The following ADAMTS16 variants were observed in gnomAD, a reference collection of about 807,000 sequenced individuals.
ADAMTS16 encodes A disintegrin and metalloproteinase with thrombospondin motifs 16.
In ADAMTS16, 94 loss-of-function variants were observed where a neutral mutation model predicts 145.8. The ratio of observed to expected loss-of-function variants is 0.64; its 90% CI spans 0.55 to 0.77. The LOEUF (loss-of-function observed/expected upper bound fraction) is 0.77. Ranked by LOEUF, ADAMTS16 falls within the 30% of genes least tolerant of loss-of-function variation. ADAMTS16 has a pLI of 0.00. For synonymous variants in ADAMTS16, 659 were observed against 604.3 expected (o/e 1.09, Z -1.33); for missense variants, 1,585 against 1,591.5 (o/e 1.00, Z 0.07).
intron 8 of ADAMTS16, among the ~76,000 whole-genome samples, chr5:5,192,259 C>A (rs544153628): frequency 6.6e-6 from 1 of 152,184 alleles, no homozygotes; most frequent in African/African-American, 2.4e-5. Context: ...TTCTCCAACA[C>A]TCCTGTACAC....
chr5:5,270,323 C>T (rs959693), intron 18 of ADAMTS16, among the ~76,000 whole-genome samples: 64,876 of 151,976 alleles, frequency 0.43, 14,303 homozygotes, highest in Non-Finnish European at 0.5. Context: ...GTCCATGGGC[C>T]AGAGTCAGAC....
At chr5:5,174,031 TTTC>T (rs1470779934) in intron 3 of ADAMTS16, among the ~76,000 whole-genome samples, 1 of 152,234 alleles carries the variant, frequency 6.6e-6, no homozygotes, top group Non-Finnish European at 1.5e-5. Context: ...GTATTTACTA[TTTC>T]TAGTGAGTTT....
At chr5:5,143,187 A>G (rs1424203003) in intron 2 of ADAMTS16, among the ~76,000 whole-genome samples, 1 of 152,256 alleles carries the variant, frequency 6.6e-6, no homozygotes, top group Admixed American at 6.5e-5. Flanking sequence ...CAGAGTGAAC[A>G]GGCAACCTAG....
intron 17 of ADAMTS16, among the ~76,000 whole-genome samples, chr5:5,243,276 A>T (rs1694954152): frequency 1.3e-5 from 2 of 152,228 alleles, no homozygotes; most frequent in South Asian, 4.1e-4. Flanking sequence ...GACTGAATGA[A>T]ATACTGTCTT....
At chr5:5,304,910 T>C (rs1034657956) in intron 20 of ADAMTS16, among the ~76,000 whole-genome samples, 5 of 151,864 alleles carry the variant, frequency 3.3e-5, no homozygotes, top group African/African-American at 9.7e-5. Context: ...ATGGGCTGTG[T>C]CCAGGTAGAA....
intron 8 of ADAMTS16, among the ~76,000 whole-genome samples, chr5:5,199,743 A>G (rs931272521): frequency 6.6e-6 from 1 of 152,198 alleles, no homozygotes; most frequent in Admixed American, 6.5e-5. Context: ...GAAGCCTGGC[A>G]TCTACATTTC....
intron 18 of ADAMTS16, among the ~76,000 whole-genome samples, chr5:5,293,629 T>C (rs1347917957): frequency 2.0e-5 from 3 of 152,186 alleles, no homozygotes; most frequent in African/African-American, 7.2e-5. Flanking sequence ...TTTCCGTCCT[T>C]GTCCATGCCT....
chr5:5,299,449 A>C (rs2126504351), intron 18 of ADAMTS16, among the ~76,000 whole-genome samples: 1 of 152,332 alleles, frequency 6.6e-6, no homozygotes, highest in South Asian at 2.1e-4. Context: ...GACTTTACTA[A>C]ACCCTTTTTG....
At chr5:5,168,625 T>A (rs1560931871) in intron 3 of ADAMTS16, among the ~76,000 whole-genome samples, 2 of 85,924 alleles carry the variant, frequency 2.3e-5, no homozygotes, top group African/African-American at 8.0e-5. Flanking sequence ...ATATATTATA[T>A]TATATATAAT....
At position 5,194,380 on chromosome 5, in the gene ADAMTS16, T is replaced by C. The variant is rs74655734; in HGVS notation, c.1313+2590T>C. 1.3e-3 allele frequency among the ~76,000 whole-genome samples: 197 copies of C among 152,322 alleles called. 4 individuals are homozygous for C. The East Asian group carries it at 0.024, about 19-fold the overall frequency. On this transcript the variant is annotated intron_variant, in intron 8 of 22. Coordinates refer to ENST00000274181, the MANE Select transcript of ADAMTS16 (RefSeq NM_139056.4). ...GTAGTGTCTGCTCTTCATGGAGCAC[T>C]TTCTGTAAAATTCACCTAGCAATTT... is the stretch of plus-strand genomic sequence containing the variant.
intron 4 of ADAMTS16, among the ~76,000 whole-genome samples, chr5:5,184,304 A>C (rs971630666): frequency 6.8e-6 from 1 of 146,988 alleles, no homozygotes; most frequent in African/African-American, 2.5e-5. Context: ...CCAGGGCCCT[A>C]TGTCACCTAC....
At chr5:5,158,672 A>G (rs188948730) in intron 3 of ADAMTS16, among the ~76,000 whole-genome samples, 10 of 152,338 alleles carry the variant, frequency 6.6e-5, no homozygotes, top group Admixed American at 1.3e-4. Context: ...TTCTAGTTAC[A>G]GATAAAGAAA....
intron 18 of ADAMTS16, among the ~76,000 whole-genome samples, chr5:5,280,607 C>G (rs756573776): frequency 6.6e-6 from 1 of 152,152 alleles, no homozygotes; most frequent in Non-Finnish European, 1.5e-5. Flanking sequence ...AACCTCCTTC[C>G]TGGCCTTCCT....
At chr5:5,278,726 G>T (rs770473045) in intron 18 of ADAMTS16, among the ~76,000 whole-genome samples, 5 of 152,054 alleles carry the variant, frequency 3.3e-5, no homozygotes, top group Non-Finnish European at 7.4e-5. Context: ...TTAAGTTGGG[G>T]GTGACAGAGT....
At chr5:5,157,783 C>G (rs865907480) in intron 3 of ADAMTS16, among the ~76,000 whole-genome samples, 1 of 152,130 alleles carries the variant, frequency 6.6e-6, no homozygotes, top group Non-Finnish European at 1.5e-5. Context: ...ATGTGTTAAA[C>G]CCCTCTTTAC....
intron 18 of ADAMTS16, among the ~76,000 whole-genome samples, chr5:5,291,851 G>A (rs1056995006): frequency 6.6e-6 from 1 of 152,186 alleles, no homozygotes; most frequent in Non-Finnish European, 1.5e-5. Flanking sequence ...ACATTATGGT[G>A]AGCCCAAAAG....
chr5:5,236,837 C>A, intron 13 of ADAMTS16, 132 bp from the exon 14 acceptor site: 2 of 1,126,442 alleles, frequency 1.8e-6, no homozygotes, highest in South Asian at 2.0e-5. Flanking sequence ...ATTAAAAATG[C>A]CATTGTAATG....
chr5:5,306,860 TC>T, intron 21 of ADAMTS16, 132 bp downstream of exon 21: 3 of 936,574 alleles, frequency 3.2e-6, no homozygotes, highest in Non-Finnish European at 4.7e-6. Flanking sequence ...AGGTTTTCTT[TC>T]CAGAGCATGT....
Position 5,317,851 on chromosome 5 carries a change from A to AC in ADAMTS16, c.3412-283_3412-282insC, listed in dbSNP as rs34469837. Among the ~76,000 whole-genome samples the AC allele has an allele frequency of 0.46, 69,369 of 151,948 alleles. 16,431 individuals are homozygous for AC. Among genetic ancestry groups the AC allele is most frequent in the Middle Eastern group, 0.56 (165 of 294 alleles). On this transcript the variant is annotated intron_variant, in intron 21 of 22. Coordinates refer to ENST00000274181, the MANE Select transcript of ADAMTS16 (RefSeq NM_139056.4). The surrounding 1 kb of genome is among the most constrained non-coding windows in gnomAD (Gnocchi z 4.5). ...AGGCTCAAGGCTGTCTTCTATCTGA[A>AC]AACAGGAAGGGTTCCAGGAGCTATG...
Sources: allele counts gnomAD v4.1 joint callset (sites outside exome capture counted in the v4.1 genomes callset), GRCh38; gene constraint gnomAD v4.1.1; non-coding constraint Gnocchi (gnomAD v3.1); transcripts MANE v1.5; gene names NCBI Gene and HGNC (gene_info 2026-07-23, HGNC 2026-07-21).